Variants in ADAMTSL1 observed in about 807,000 individuals in gnomAD.
ADAMTSL1 encodes ADAMTS-like protein 1.
ADAMTSL1 carries 126 observed loss-of-function variants against 201.8 expected under a neutral mutation model. The ratio of observed to expected loss-of-function variants is 0.62; its 90% CI spans 0.54 to 0.72. The LOEUF is 0.72. ADAMTSL1 is among the 30% of genes least tolerant of loss of function. ADAMTSL1 has a pLI of 0.00. For missense variants in ADAMTSL1, 2,679 were observed against 2,277.8 expected (o/e 1.18, Z -3.59); for synonymous variants, 1,121 against 903.4 (o/e 1.24, Z -4.32).
intron 2 of ADAMTSL1, among the ~76,000 whole-genome samples, chr9:18,365,316 C>T (rs1836720167): frequency 6.6e-6 from 1 of 151,930 alleles, no homozygotes; most frequent in African/African-American, 2.4e-5. Context: ...ATACTTATAC[C>T]AAGTATGTTT....
chr9:18,650,130 C>A (rs1325527042), intron 7 of ADAMTSL1, among the ~76,000 whole-genome samples: 1 of 152,198 alleles, frequency 6.6e-6, no homozygotes, highest in Admixed American at 6.5e-5. Flanking sequence ...TGCCGCCTTG[C>A]AGTTTGATCT....
intron 2 of ADAMTSL1, among the ~76,000 whole-genome samples, chr9:18,442,545 GA>G (rs766887973): frequency 7.3e-5 from 11 of 151,592 alleles, no homozygotes; most frequent in African/African-American, 9.7e-5. Context: ...CAAAAAGAAG[GA>G]AAAAAAATCA....
intron 21 of ADAMTSL1, among the ~76,000 whole-genome samples, chr9:18,817,943 A>C (rs1247908147): frequency 2.0e-5 from 3 of 152,214 alleles, no homozygotes; most frequent in Non-Finnish European, 4.4e-5. Context: ...CATTGCTCTC[A>C]GGTGGGCCTT....
At chr9:18,057,985 C>A (rs576378430) in intron 1 of ADAMTSL1, among the ~76,000 whole-genome samples, 1 of 152,296 alleles carries the variant, frequency 6.6e-6, no homozygotes, top group South Asian at 2.1e-4. Context: ...GTCTGCCTGG[C>A]TAGGCTATAA....
chr9:17,956,149 A>T (rs1280293844), intron 1 of ADAMTSL1, among the ~76,000 whole-genome samples: 1 of 152,220 alleles, frequency 6.6e-6, no homozygotes, highest in Non-Finnish European at 1.5e-5. Context: ...ACAGAAATTT[A>T]CATTTTTCAT....
intron 1 of ADAMTSL1, among the ~76,000 whole-genome samples, chr9:18,010,467 A>G (rs1473137200): frequency 6.6e-6 from 1 of 152,050 alleles, no homozygotes; most frequent in African/African-American, 2.4e-5. Flanking sequence ...ATTCTGTAAA[A>G]TACTTCACTT....
intron 23 of ADAMTSL1, among the ~76,000 whole-genome samples, chr9:18,878,127 A>C (rs58942075): frequency 0.021 from 3,219 of 152,204 alleles, 84 homozygotes; most frequent in African/African-American, 0.062. Flanking sequence ...ACCATGCCCC[A>C]CCAATAGCAC....
chr9:18,161,377 A>T (rs1827381319), intron 1 of ADAMTSL1, among the ~76,000 whole-genome samples: 1 of 152,092 alleles, frequency 6.6e-6, no homozygotes, highest in Admixed American at 6.6e-5. Context: ...CTTCTTTTCA[A>T]ATTTTAGCTT....
At chr9:18,622,869 T>G (rs755660812) in intron 5 of ADAMTSL1, among the ~76,000 whole-genome samples, 2 of 152,056 alleles carry the variant, frequency 1.3e-5, no homozygotes, top group Non-Finnish European at 2.9e-5. Context: ...GATTTTTGGT[T>G]TTTGAGTTTT....
intron 4 of ADAMTSL1, among the ~76,000 whole-genome samples, chr9:18,607,574 T>TATC (rs1302838088): frequency 4.4e-5 from 2 of 45,244 alleles, no homozygotes; most frequent in African/African-American, 1.3e-4. Flanking sequence ...TAATTTCTTT[T>TATC]ATTATTATTA....
At chr9:18,858,989 T>TTCGG (rs56940862) in intron 23 of ADAMTSL1, among the ~76,000 whole-genome samples, 5,793 of 152,252 alleles carry the variant, frequency 0.038, 352 homozygotes, top group African/African-American at 0.13. Context: ...TGACAACAAA[T>TTCGG]TCGGTCTTAC....
At chr9:18,803,682 T>C (rs2131098502) in intron 20 of ADAMTSL1, among the ~76,000 whole-genome samples, 1 of 152,328 alleles carries the variant, frequency 6.6e-6, no homozygotes, top group African/African-American at 2.4e-5. Flanking sequence ...AACAACACTT[T>C]TTTTTAACTC....
intron 4 of ADAMTSL1, among the ~76,000 whole-genome samples, chr9:18,616,701 G>A (rs1183058412): frequency 6.6e-6 from 1 of 152,074 alleles, no homozygotes; most frequent in Non-Finnish European, 1.5e-5. Flanking sequence ...AACTGTACAG[G>A]ACGGCATAGT....
intron 2 of ADAMTSL1, among the ~76,000 whole-genome samples, chr9:18,421,677 A>G (rs1378532316): frequency 1.3e-5 from 2 of 152,226 alleles, no homozygotes; most frequent in African/African-American, 2.4e-5. Flanking sequence ...CGGGAAACAT[A>G]GCTGTAGCTA....
intron 15 of ADAMTSL1, among the ~76,000 whole-genome samples, chr9:18,750,854 G>C (rs114149604): frequency 6.6e-6 from 1 of 152,176 alleles, no homozygotes; most frequent in Non-Finnish European, 1.5e-5. Context: ...CACATGGCTG[G>C]CAAGTTGATG....
At chr9:18,210,747 G>C (rs1829838497) in intron 2 of ADAMTSL1, among the ~76,000 whole-genome samples, 2 of 151,470 alleles carry the variant, frequency 1.3e-5, no homozygotes, top group South Asian at 4.2e-4. Flanking sequence ...GGTATACTAG[G>C]CAGGACACCA....
At chr9:18,631,102 A>C (rs938664773) in intron 5 of ADAMTSL1, among the ~76,000 whole-genome samples, 1 of 152,234 alleles carries the variant, frequency 6.6e-6, no homozygotes, top group Non-Finnish European at 1.5e-5. Context: ...TTCTGATTTC[A>C]TATATGTTAA....
chr9:17,917,881 C>A (rs1826160037), intron 1 of ADAMTSL1, among the ~76,000 whole-genome samples: 1 of 151,878 alleles, frequency 6.6e-6, no homozygotes, highest in South Asian at 2.1e-4. Flanking sequence ...TTATCAATTT[C>A]ATCTTGAGTT....
intron 15 of ADAMTSL1, among the ~76,000 whole-genome samples, chr9:18,748,651 C>T (rs1239758384): frequency 6.6e-6 from 1 of 152,094 alleles, no homozygotes; most frequent in Non-Finnish European, 1.5e-5. Context: ...TGTCCACCAG[C>T]CATGTGACTA....
Sources: allele counts gnomAD v4.1 joint callset (sites outside exome capture counted in the v4.1 genomes callset), GRCh38; gene constraint gnomAD v4.1.1; transcripts MANE v1.5; gene names NCBI Gene and HGNC (gene_info 2026-07-23, HGNC 2026-07-21).